The following NKAIN4 variants were observed in gnomAD, a reference collection of about 807,000 sequenced individuals.
NKAIN4 encodes sodium/potassium transporting ATPase interacting 4.
A neutral mutation model predicts 28.8 loss-of-function variants in NKAIN4; 28 were observed. The ratio of observed to expected loss-of-function variants is 0.97; its 90% CI spans 0.72 to 1.33. The LOEUF is 1.33. NKAIN4 is among the 40% of genes most tolerant of loss of function. NKAIN4 has a pLI of 0.00. For synonymous variants in NKAIN4, 122 were observed against 115.6 expected (o/e 1.06, Z -0.36); for missense variants, 289 against 277.2 (o/e 1.04, Z -0.30).
chr20:63,242,725 G>T, intron 5 of NKAIN4, 102 bp from the exon 6 acceptor site: 1 of 882,908 alleles, frequency 1.1e-6, no homozygotes, highest in Non-Finnish European at 1.9e-6. Context: ...AGGGGTCCCT[G>T]GGGGCACAGA....
chr20:63,241,031 A>G lies in NKAIN4; in HGVS notation c.*466T>C. The G allele has an allele frequency of 5.8e-6, 1 of 172,556 alleles. No homozygotes were observed. Among genetic ancestry groups the G allele is most frequent in the South Asian group, 1.3e-4 (1 of 7,870 alleles). 10.7% of individuals were successfully genotyped at this position (172,556 alleles called of 1,614,324 possible). A position where few individuals can be genotyped will look rare whatever the true frequency, so the allele number is the denominator to read the frequency against. ...ACGAGTTTGGGGTTAGGAACCCTCC[A>G]TGTTCAACAGGGGCCCTCACCGCTT... On this transcript the variant is annotated 3_prime_UTR_variant, in exon 7 of 7. Transcript: ENST00000370316.
At chr20:63,251,699 G>A (rs1344390841) in intron 1 of NKAIN4, among the ~76,000 whole-genome samples, 4 of 152,056 alleles carry the variant, frequency 2.6e-5, no homozygotes, top group Admixed American at 1.3e-4. Flanking sequence ...ATTATAATAC[G>A]GGAACAAAGA....
intron 1 of NKAIN4, among the ~76,000 whole-genome samples, 188 bp from the exon 2 acceptor site, chr20:63,250,260 G>A (rs1321261904): frequency 6.6e-6 from 1 of 152,162 alleles, no homozygotes; most frequent in Non-Finnish European, 1.5e-5. Context: ...AGCAGGCACT[G>A]AGCATCTACT....
chr20:63,251,420 C>G (rs1487020467), intron 1 of NKAIN4, among the ~76,000 whole-genome samples: 2 of 152,114 alleles, frequency 1.3e-5, no homozygotes, highest in East Asian at 3.9e-4. Flanking sequence ...TCTAAACTCC[C>G]CCGGGGAAAG....
At position 63,242,319 on chromosome 20, in the gene NKAIN4, C is replaced by T. The variant is rs367741585; in HGVS notation, c.617+220G>A. Among the ~76,000 whole-genome samples the T allele has an allele frequency of 9.4e-4, 143 of 152,322 alleles. 2 individuals are homozygous for T. The South Asian group carries it at 0.027, about 29-fold the overall frequency. ...GTCTCCATCTCTGCTGGGCTCTGAG[C>T]TTCTGGGCTGGGACTGGGTCCTAGG... On this transcript the variant is annotated intron_variant, in intron 6 of 6. Coordinates refer to ENST00000370316, the MANE Select transcript of NKAIN4 (RefSeq NM_152864.4).
intron 2 of NKAIN4, chr20:63,249,192 A>AC (rs2066914611): frequency 2.3e-6 from 1 of 426,362 alleles, no homozygotes; most frequent in Non-Finnish European, 4.4e-6. Context: ...AGCTGCCGTG[A>AC]CCTGTCCTCG....
chr20:63,248,787 C>T (rs375719568), intron 3 of NKAIN4, 28 bp downstream of exon 3: 1 of 1,520,476 alleles, frequency 6.6e-7, no homozygotes, highest in Non-Finnish European at 9.1e-7. Context: ...AGGGAAGGAC[C>T]TCGCGCTGCC....
At position 63,245,399 on chromosome 20, in the gene NKAIN4, G is replaced by A. The variant is rs184368671; in HGVS notation, c.472-1315C>T. On this transcript the variant is annotated intron_variant, in intron 4 of 6. Coordinates refer to ENST00000370316, the MANE Select transcript of NKAIN4 (RefSeq NM_152864.4). This position sits in a 1 kb window ranked among gnomAD's most constrained non-coding sequence, Gnocchi z 4.7. ...TGGCCGTGGCGCCGAACAGGCAGCC[G>A]AGCTTGGGGAGCCATTGGAAGATGC... Among the ~76,000 whole-genome samples the A allele has an allele frequency of 2.0e-5, 3 of 152,154 alleles. No individual in the cohort carries two copies. The highest frequency in any genetic ancestry group is 3.9e-4 in the East Asian group (2 of 5,166).
chr20:63,246,752 T>C, intron 4 of NKAIN4: 1 of 975,184 alleles, frequency 1.0e-6, no homozygotes, highest in Middle Eastern at 5.4e-4. Context: ...CCCCCGGAGC[T>C]CTTGAGGTGA....
intron 4 of NKAIN4, chr20:63,244,583 A>G (rs1156895505): frequency 6.4e-6 from 3 of 470,080 alleles, no homozygotes; most frequent in Non-Finnish European, 1.3e-5. Flanking sequence ...AGACAGGCTG[A>G]GGACTCGGGG....
At chr20:63,251,683 A>G (rs1373299050) in intron 1 of NKAIN4, among the ~76,000 whole-genome samples, 1 of 152,226 alleles carries the variant, frequency 6.6e-6, no homozygotes, top group Non-Finnish European at 1.5e-5. Flanking sequence ...TTGTAGAGCA[A>G]GGATTATTAT....
chr20:63,248,381 T>C (rs2123103369), intron 3 of NKAIN4: 2 of 185,470 alleles, frequency 1.1e-5, no homozygotes, highest in Non-Finnish European at 2.3e-5. Flanking sequence ...AGCGATGGCC[T>C]TTTCCCACCC....
At chr20:63,251,451 C>T (rs756194789) in intron 1 of NKAIN4, among the ~76,000 whole-genome samples, 5 of 152,136 alleles carry the variant, frequency 3.3e-5, no homozygotes, top group African/African-American at 4.8e-5. Flanking sequence ...TTTCCCAGTC[C>T]GCTAAGTAGC....
At position 63,245,384 on chromosome 20, in the gene NKAIN4, G is replaced by A. The variant is rs1037406711; in HGVS notation, c.472-1300C>T. Among the ~76,000 whole-genome samples the A allele has an allele frequency of 3.7e-4, 56 of 152,100 alleles. No individual in the cohort carries two copies. Among genetic ancestry groups the A allele is most frequent in the African/African-American group, 1.3e-3 (55 of 41,450 alleles). On this transcript the variant is annotated intron_variant, in intron 4 of 6. Transcript: ENST00000370316. This position sits in a 1 kb window ranked among gnomAD's most constrained non-coding sequence, Gnocchi z 4.7. The stretch of plus-strand genomic sequence containing the variant: ...CCCCCATCCCGGAGCTGGCCGTGGC[G>A]CCGAACAGGCAGCCGAGCTTGGGGA...
chr20:63,250,182 C>T (rs1183102641), intron 1 of NKAIN4, 110 bp from the exon 2 acceptor site: 3 of 1,263,878 alleles, frequency 2.4e-6, no homozygotes, highest in Non-Finnish European at 3.2e-6. Context: ...CCTCCCCACA[C>T]CCGCCCACCA....
chr20:63,245,298 C>T lies in NKAIN4; in HGVS notation c.472-1214G>A, dbSNP rs916015906. On this transcript the variant is annotated intron_variant, in intron 4 of 6. Coordinates refer to ENST00000370316, the MANE Select transcript of NKAIN4 (RefSeq NM_152864.4). The surrounding 1 kb of genome is among the most constrained non-coding windows in gnomAD (Gnocchi z 4.7). Reference sequence around the variant, plus strand: ...CATGCCACGGCCAGGGTGGGAGCAGCGGTGAGGGTGGGCAACCTCCACGGC... The same window carrying T: ...CATGCCACGGCCAGGGTGGGAGCAGTGGTGAGGGTGGGCAACCTCCACGGC... 2.6e-5 allele frequency among the ~76,000 whole-genome samples: 4 copies of T among 152,146 alleles called. No individual in the cohort carries two copies. Among genetic ancestry groups the T allele is most frequent in the African/African-American group, 7.2e-5 (3 of 41,420 alleles).
chr20:63,254,471 GC>G (rs1304331297), upstream of NKAIN4: 14 of 1,303,158 alleles, frequency 1.1e-5, no homozygotes, highest in South Asian at 4.3e-5. Context: ...TATACAGGAG[GC>G]CCCCGGGTGC....
chr20:63,246,027 ATG>A (rs2066849703), intron 4 of NKAIN4, among the ~76,000 whole-genome samples: 1 of 151,226 alleles, frequency 6.6e-6, no homozygotes, highest in Non-Finnish European at 1.5e-5. Context: ...TCCCGGGTTC[ATG>A]CCATTCTCCT....
In NKAIN4 at chr20:63,254,374, CTCGCGGAGGGG is replaced by C. The variant is rs2067015070; in HGVS notation, c.54+12_54+22del. On this transcript the variant is annotated intron_variant, in intron 1 of 6. Coordinates refer to ENST00000370316, the MANE Select transcript of NKAIN4 (RefSeq NM_152864.4). ...GTCGGGCACCGGGGGCTCCAGGAGG[CTCGCGGAGGGG>C]TCGCCACTCACCAGCTGAAAAGCGC... 1 of 1,443,874 alleles carries C rather than the reference CTCGCGGAGGGG, an allele frequency of 6.9e-7. No homozygotes were observed. The highest frequency in any genetic ancestry group is 3.1e-5 in the East Asian group (1 of 32,760). The allele number at this position is 1,443,874 out of a possible 1,614,324, so 89.4% of individuals were successfully genotyped here.
Sources: allele counts gnomAD v4.1 joint callset (sites outside exome capture counted in the v4.1 genomes callset), GRCh38; gene constraint gnomAD v4.1.1; non-coding constraint Gnocchi (gnomAD v3.1); transcripts MANE v1.5; gene names NCBI Gene and HGNC (gene_info 2026-07-23, HGNC 2026-07-21).